The following PITPNB variants were observed in gnomAD, a reference collection of about 807,000 sequenced individuals.
PITPNB encodes the protein phosphatidylinositol transfer protein beta isoform.
In PITPNB, 16 loss-of-function variants were observed where a neutral mutation model predicts 45.9. The observed-to-expected ratio is 0.35, with a 90% CI of 0.24 to 0.53. The LOEUF is 0.53. PITPNB is among the 20% of genes least tolerant of loss of function. The pLI, the probability that PITPNB is intolerant of heterozygous loss-of-function variation, is 0.93. For missense variants in PITPNB, 188 were observed against 330.5 expected (o/e 0.57, Z 3.34); for synonymous variants, 112 against 108.9 (o/e 1.03, Z -0.18).
chr22:27,906,389 G>A (rs1167314147), intron 3 of PITPNB, among the ~76,000 whole-genome samples: 1 of 152,214 alleles, frequency 6.6e-6, no homozygotes, highest in African/African-American at 2.4e-5. Context: ...GTAAGAGATG[G>A]TGAAACCTGT....
intron 3 of PITPNB, among the ~76,000 whole-genome samples, chr22:27,899,940 C>T (rs1399821902): frequency 3.9e-5 from 6 of 152,090 alleles, no homozygotes; most frequent in South Asian, 2.1e-4. Flanking sequence ...TGGTGGCTCA[C>T]GCCTCTAATC....
At chr22:27,900,573 T>A (rs1935564650) in intron 3 of PITPNB, among the ~76,000 whole-genome samples, 1 of 152,236 alleles carries the variant, frequency 6.6e-6, no homozygotes, top group Non-Finnish European at 1.5e-5. Context: ...ACTTTTTTTT[T>A]ATGTTTAACG....
At chr22:27,879,972 T>C (rs1170035163) in intron 7 of PITPNB, among the ~76,000 whole-genome samples, 1 of 152,092 alleles carries the variant, frequency 6.6e-6, no homozygotes, top group Non-Finnish European at 1.5e-5. Flanking sequence ...ATGAAAAAAA[T>C]TAAACATTTT....
At position 27,873,768 on chromosome 22, in the gene PITPNB, G is replaced by C. The variant is rs1461040884; in HGVS notation, c.504C>G (p.Thr168=). ...EDPALFQSVK[T]KRGPLGPNWK... The stretch of plus-strand genomic sequence containing the variant: ...AGTTGGGTCCCAAAGGGCCTCTCTT[G>C]GTCTTGACTGACTGGAATAATGCTG... The change falls in exon 8 of 12, where the codon ACC becomes ACG. Residue 168 remains threonine, a synonymous_variant. Transcript: ENST00000335272. The C allele has an allele frequency of 1.9e-6, 3 of 1,612,654 alleles. No individual in the cohort carries two copies. The highest frequency in any genetic ancestry group is 2.5e-6 in the Non-Finnish European group (3 of 1,178,790).
At chr22:27,856,073 A>G (rs1351468611) in intron 10 of PITPNB, among the ~76,000 whole-genome samples, 3 of 152,190 alleles carry the variant, frequency 2.0e-5, no homozygotes, top group Admixed American at 6.5e-5. Flanking sequence ...GCACTCCCCA[A>G]TGACCTACAG....
chr22:27,852,768 A>G lies in PITPNB; in HGVS notation c.*934T>C, dbSNP rs1398133872. The G allele has an allele frequency of 6.6e-6, 1 of 152,646 alleles. No homozygotes were observed. The highest frequency in any genetic ancestry group is 2.1e-4 in the South Asian group (1 of 4,836). 9.5% of individuals were successfully genotyped at this position (152,646 alleles called of 1,614,324 possible). ...TCAAAACAAGACTCCATGAAGTGCT[A>G]TATTTCCAACTTTTCTACACAGCCT... is the stretch of plus-strand genomic sequence containing the variant. On this transcript the variant is annotated 3_prime_UTR_variant, in exon 12 of 12. Coordinates refer to ENST00000335272, the MANE Select transcript of PITPNB (RefSeq NM_012399.5).
intron 7 of PITPNB, among the ~76,000 whole-genome samples, chr22:27,883,390 G>T (rs1935028976): frequency 2.0e-5 from 3 of 152,302 alleles, no homozygotes; most frequent in African/African-American, 7.2e-5. Context: ...AATATTGTTG[G>T]ACCATGGCCT....
chr22:27,862,288 A>G (rs1255651692), intron 8 of PITPNB, among the ~76,000 whole-genome samples: 4 of 152,192 alleles, frequency 2.6e-5, no homozygotes, highest in African/African-American at 7.2e-5. Context: ...GAAGCACCAG[A>G]CTACATTTTT....
intron 3 of PITPNB, among the ~76,000 whole-genome samples, chr22:27,898,343 C>T (rs368082871): frequency 6.6e-6 from 1 of 151,454 alleles, no homozygotes; most frequent in East Asian, 1.9e-4. Context: ...CCACTGCACT[C>T]TAGCCTGGGC....
At chr22:27,918,686 C>A (rs1372423264) in intron 1 of PITPNB, among the ~76,000 whole-genome samples, 1 of 152,248 alleles carries the variant, frequency 6.6e-6, no homozygotes, top group Non-Finnish European at 1.5e-5. Context: ...AGCGTCCCAC[C>A]GCGAGTCCTG....
intron 1 of PITPNB, among the ~76,000 whole-genome samples, chr22:27,914,942 A>T (rs1936034723): frequency 6.6e-6 from 1 of 152,242 alleles, no homozygotes. Context: ...TATACAATAT[A>T]AGGTTGACAT....
intron 7 of PITPNB, among the ~76,000 whole-genome samples, chr22:27,890,834 A>G (rs1460377720): frequency 1.3e-5 from 2 of 152,140 alleles, no homozygotes; most frequent in African/African-American, 2.4e-5. Flanking sequence ...CAAAACAAAA[A>G]ACAGATGAAT....
At chr22:27,878,574 T>C (rs917194281) in intron 7 of PITPNB, among the ~76,000 whole-genome samples, 3 of 152,224 alleles carry the variant, frequency 2.0e-5, no homozygotes, top group African/African-American at 7.2e-5. Flanking sequence ...ATAGTATAAG[T>C]AAATCTCATT....
intron 7 of PITPNB, among the ~76,000 whole-genome samples, chr22:27,877,626 A>G (rs1240842796): frequency 1.3e-5 from 2 of 152,224 alleles, no homozygotes; most frequent in African/African-American, 2.4e-5. Flanking sequence ...AATACAAAGA[A>G]TATTAGTTTC....
At chr22:27,899,464 A>G (rs1392383870) in intron 3 of PITPNB, among the ~76,000 whole-genome samples, 8 of 151,862 alleles carry the variant, frequency 5.3e-5, no homozygotes, top group African/African-American at 1.9e-4. Flanking sequence ...CTGGGGGTAC[A>G]GGCGCCCGCC....
chr22:27,870,317 G>A (rs1319549761), intron 8 of PITPNB, among the ~76,000 whole-genome samples: 2 of 152,208 alleles, frequency 1.3e-5, no homozygotes, highest in African/African-American at 2.4e-5. Flanking sequence ...CCCCTAGTCA[G>A]TCTGGTGCAG....
At chr22:27,889,425 C>G (rs1259119769) in intron 7 of PITPNB, among the ~76,000 whole-genome samples, 1 of 152,072 alleles carries the variant, frequency 6.6e-6, no homozygotes, top group East Asian at 1.9e-4. Context: ...AGACTCTTCC[C>G]TCTCAGGTTT....
At chr22:27,906,835 T>C (rs1157780950) in intron 3 of PITPNB, among the ~76,000 whole-genome samples, 1 of 152,220 alleles carries the variant, frequency 6.6e-6, no homozygotes, top group Non-Finnish European at 1.5e-5. Flanking sequence ...ACATTTCAAA[T>C]GTCCCGTGCA....
chr22:27,853,513 A>G lies in PITPNB; in HGVS notation c.*189T>C, dbSNP rs983995300. 1.1e-6 allele frequency: 1 copy of G among 875,986 alleles called. No homozygotes were observed. Among genetic ancestry groups the G allele is most frequent in the Non-Finnish European group, 1.9e-6 (1 of 533,412 alleles). 54.3% of individuals were successfully genotyped at this position (875,986 alleles called of 1,614,324 possible). A position where few individuals can be genotyped will look rare whatever the true frequency, so the allele number is the denominator to read the frequency against. On this transcript the variant is annotated 3_prime_UTR_variant, in exon 12 of 12. Coordinates refer to ENST00000335272, the MANE Select transcript of PITPNB (RefSeq NM_012399.5). Reference sequence around the variant, plus strand: ...CAGCTACAGACATATGCACACATACATATATACACACGTGGTTGAGAACCT... The same window carrying G: ...CAGCTACAGACATATGCACACATACGTATATACACACGTGGTTGAGAACCT...
Sources: gnomAD v4.1 joint callset for allele counts (sites outside exome capture counted in the v4.1 genomes callset) on GRCh38, gnomAD v4.1.1 for gene constraint, MANE v1.5 for transcripts, NCBI Gene and HGNC (gene_info 2026-07-23, HGNC 2026-07-21) for gene names.